SOCS7: variants seen among roughly 807,000 people sequenced by gnomAD.
The protein encoded by SOCS7 is suppressor of cytokine signaling 7.
SOCS7 carries 18 observed loss-of-function variants against 58.9 expected under a neutral mutation model. The observed-to-expected ratio is 0.31, with a 90% CI of 0.21 to 0.45. SOCS7 has a LOEUF of 0.45. Ranked by LOEUF, SOCS7 falls within the 20% of genes least tolerant of loss-of-function variation. The pLI, the probability that SOCS7 is intolerant of heterozygous loss-of-function variation, is 1.00. For missense variants in SOCS7, 667 were observed against 837.3 expected, an observed-to-expected ratio of 0.80 and a Z score of 2.51; for synonymous variants, 388 against 364.3, an observed-to-expected ratio of 1.06 and a Z score of -0.74.
intron 6 of SOCS7, among the ~76,000 whole-genome samples, chr17:38,371,200 A>T (rs2144346774): frequency 6.7e-6 from 1 of 150,262 alleles, no homozygotes; most frequent in Admixed American, 6.6e-5. Flanking sequence ...TGCAGTCTCC[A>T]CCTCCTGAGT....
intron 2 of SOCS7, among the ~76,000 whole-genome samples, chr17:38,364,251 A>G (rs1384643514): frequency 1.3e-5 from 2 of 152,226 alleles, no homozygotes; most frequent in Non-Finnish European, 2.9e-5. Context: ...CAAGATATGG[A>G]CTGCCCTCTA....
chr17:38,387,435 ACT>A (rs1355456893), intron 7 of SOCS7, among the ~76,000 whole-genome samples: 2 of 145,226 alleles, frequency 1.4e-5, no homozygotes, highest in Non-Finnish European at 3.0e-5. Context: ...TGACAGAGAG[ACT>A]CTGTCTCAAA....
At chr17:38,380,292 A>G (rs1039481693) in intron 7 of SOCS7, among the ~76,000 whole-genome samples, 3 of 152,070 alleles carry the variant, frequency 2.0e-5, no homozygotes, top group Non-Finnish European at 4.4e-5. Flanking sequence ...AAATATATTG[A>G]CATTTTTACA....
chr17:38,385,509 G>T (rs951599944), intron 7 of SOCS7, among the ~76,000 whole-genome samples: 2 of 150,234 alleles, frequency 1.3e-5, no homozygotes, highest in Non-Finnish European at 2.9e-5. Flanking sequence ...TTATTATAAG[G>T]TGAACACCAC....
At chr17:38,357,259 G>A (rs1348905508) in intron 1 of SOCS7, among the ~76,000 whole-genome samples, 2 of 152,230 alleles carry the variant, frequency 1.3e-5, no homozygotes, top group Non-Finnish European at 2.9e-5. Context: ...GTAATAGCAT[G>A]ACATGCTGAG....
intron 7 of SOCS7, among the ~76,000 whole-genome samples, chr17:38,393,701 C>A (rs576373541): frequency 6.6e-6 from 1 of 150,562 alleles, no homozygotes; most frequent in Non-Finnish European, 1.5e-5. Context: ...GAGATCAAGA[C>A]CATCCTGGTT....
intron 7 of SOCS7, among the ~76,000 whole-genome samples, chr17:38,381,170 T>C (rs1460412333): frequency 6.6e-6 from 1 of 152,190 alleles, no homozygotes; most frequent in Non-Finnish European, 1.5e-5. Context: ...GTTGAATATC[T>C]GTGTATACTT....
chr17:38,403,136 G>T lies in SOCS7; in HGVS notation c.*3654G>T, dbSNP rs543610971. The T allele has an allele frequency of 6.6e-6, 1 of 152,042 alleles. No homozygotes were observed. Among genetic ancestry groups the T allele is most frequent in the Non-Finnish European group, 1.5e-5 (1 of 67,998 alleles). 9.4% of individuals were successfully genotyped at this position (152,042 alleles called of 1,614,324 possible). A position where few individuals can be genotyped will look rare whatever the true frequency, so the allele number is the denominator to read the frequency against. ...TTGGAACCTGAGCCATGGAGGTGGC[G>T]CCACCTCCCTGAGGAGAAAGGTGTG... On this transcript the variant is annotated 3_prime_UTR_variant, in exon 10 of 10. Transcript: ENST00000612932.
Position 38,356,202 on chromosome 17 carries a change from C to T in SOCS7, c.980+3170C>T, listed in dbSNP as rs587639083. On this transcript the variant is annotated intron_variant, in intron 1 of 9. Coordinates refer to ENST00000612932, the MANE Select transcript of SOCS7 (RefSeq NM_014598.4). The stretch of plus-strand genomic sequence containing the variant: ...CACCAAGTCTGGCCAACTTAGATAA[C>T]TGTTTTTAAGTGAGGTAAGAAATGG... Among the ~76,000 whole-genome samples, 6 of 152,036 alleles carry T rather than the reference C, an allele frequency of 3.9e-5. No homozygotes were observed. The South Asian group carries it at 1.2e-3, about 32-fold the overall frequency.
intron 4 of SOCS7, 38 bp downstream of exon 4, chr17:38,365,447 G>A: frequency 1.5e-6 from 2 of 1,369,718 alleles, no homozygotes; most frequent in African/African-American, 1.4e-5. Context: ...TAAGAGTTGG[G>A]AGTACAAAGT....
rs908038583 is a variant in SOCS7 at position 38,403,486 on chromosome 17, C to T, written c.*4004C>T. On this transcript the variant is annotated 3_prime_UTR_variant, in exon 10 of 10. Coordinates refer to ENST00000612932, the MANE Select transcript of SOCS7 (RefSeq NM_014598.4). Reference sequence around the variant, plus strand: ...GAGGAGCTTTTTCCTTCAGTTAGATCTTTCCCTTCCCTGCTGCCTCGCTCC... The same window carrying T: ...GAGGAGCTTTTTCCTTCAGTTAGATTTTTCCCTTCCCTGCTGCCTCGCTCC... 1 of 152,260 alleles carries T rather than the reference C, an allele frequency of 6.6e-6. No homozygotes were observed. Among genetic ancestry groups the T allele is most frequent in the African/African-American group, 2.4e-5 (1 of 41,424 alleles). The allele number at this position is 152,260 out of a possible 1,614,324, so 9.4% of individuals were successfully genotyped here. A position where few individuals can be genotyped will look rare whatever the true frequency, so the allele number is the denominator to read the frequency against.
chr17:38,398,580 T>C (rs1479197977), intron 9 of SOCS7, among the ~76,000 whole-genome samples: 6 of 152,154 alleles, frequency 3.9e-5, no homozygotes, highest in Non-Finnish European at 7.4e-5. Context: ...ATTTGGCCTT[T>C]ATGACTTCTT....
chr17:38,355,523 T>G (rs2037625992), intron 1 of SOCS7, among the ~76,000 whole-genome samples: 1 of 152,106 alleles, frequency 6.6e-6, no homozygotes, highest in South Asian at 2.1e-4. Context: ...TCCGCAATAG[T>G]GGGAGGATGA....
chr17:38,355,031 T>C (rs1004913254), intron 1 of SOCS7, among the ~76,000 whole-genome samples: 10 of 152,222 alleles, frequency 6.6e-5, no homozygotes, highest in African/African-American at 1.9e-4. Flanking sequence ...AGAAGCTTAG[T>C]TCAGGGCACT....
intron 1 of SOCS7, among the ~76,000 whole-genome samples, chr17:38,355,235 T>A (rs765340864): frequency 2.0e-5 from 3 of 152,178 alleles, no homozygotes; most frequent in Non-Finnish European, 2.9e-5. Context: ...CTTCCCTTTT[T>A]CCCCCATCTG....
At chr17:38,380,353 G>T (rs2037984925) in intron 7 of SOCS7, among the ~76,000 whole-genome samples, 1 of 152,164 alleles carries the variant, frequency 6.6e-6, no homozygotes, top group African/African-American at 2.4e-5. Context: ...TAATATGGCT[G>T]GGCTCGGTGG....
rs1011171255 is a variant in SOCS7, at chr17:38,387,244, C to T, written c.1682-8065C>T. Among the ~76,000 whole-genome samples, 293 of 140,960 alleles carry T rather than the reference C, an allele frequency of 2.1e-3. 3 individuals carry two copies. The highest frequency in any genetic ancestry group is 7.7e-3 in the African/African-American group (286 of 37,374). 92.5% of individuals were successfully genotyped at this position (140,960 alleles called of 152,430 possible). A position where few individuals can be genotyped will look rare whatever the true frequency, so the allele number is the denominator to read the frequency against. ...GGATCACCTGAGGTCAGGAGTTAAA[C>T]ACCAGCCTGGCCAACATAGCTAAAC... On this transcript the variant is annotated intron_variant, in intron 7 of 9. Coordinates refer to ENST00000612932, the MANE Select transcript of SOCS7 (RefSeq NM_014598.4).
chr17:38,384,307 G>T (rs1356465575), intron 7 of SOCS7, among the ~76,000 whole-genome samples: 1 of 151,988 alleles, frequency 6.6e-6, no homozygotes, highest in Non-Finnish European at 1.5e-5. Context: ...CTTTTGTTTT[G>T]TTTTGTTTTG....
intron 7 of SOCS7, among the ~76,000 whole-genome samples, chr17:38,389,850 T>C (rs2038127367): frequency 8.3e-6 from 1 of 119,900 alleles, no homozygotes; most frequent in South Asian, 2.4e-4. Flanking sequence ...ATTTTTTTGT[T>C]TGGTGTGTAT....
Sources: allele counts gnomAD v4.1 joint callset (sites outside exome capture counted in the v4.1 genomes callset), GRCh38; gene constraint gnomAD v4.1.1; transcripts MANE v1.5; gene names NCBI Gene and HGNC (gene_info 2026-07-23, HGNC 2026-07-21).